Variants in PHACTR1 observed in about 807,000 individuals in gnomAD.
PHACTR1 encodes RPEL repeat containing 1.
Under a neutral mutation model 69.2 loss-of-function variants are expected in PHACTR1, and 16 were observed. The observed-to-expected ratio is 0.23, with a 90% confidence interval of 0.16 to 0.35. The LOEUF is 0.35. Ranked by LOEUF, PHACTR1 falls within the 10% of genes least tolerant of loss-of-function variation. The pLI, the probability that PHACTR1 is intolerant of heterozygous loss-of-function variation, is 1.00. For missense variants in PHACTR1, 510 were observed against 734.7 expected, an observed-to-expected ratio of 0.69 and a Z score of 3.54; for synonymous variants, 312 against 284.5, an observed-to-expected ratio of 1.10 and a Z score of -0.97.
At chr6:13,134,320 A>G (rs1821164832) in intron 5 of PHACTR1, among the ~76,000 whole-genome samples, 2 of 152,258 alleles carry the variant, frequency 1.3e-5, no homozygotes, top group African/African-American at 2.4e-5. Context: ...AGAAGGGTCC[A>G]TGATGACGAT....
At chr6:12,884,684 A>G (rs1377789076) in intron 4 of PHACTR1, among the ~76,000 whole-genome samples, 1 of 152,194 alleles carries the variant, frequency 6.6e-6, no homozygotes, top group Non-Finnish European at 1.5e-5. Flanking sequence ...TACAGGCGTA[A>G]GCCACCGCGC....
intron 3 of PHACTR1, among the ~76,000 whole-genome samples, chr6:12,748,277 GAGA>G (rs1382403353): frequency 5.3e-5 from 8 of 152,306 alleles, no homozygotes; most frequent in South Asian, 2.1e-4. Context: ...CCAATGAAGA[GAGA>G]AGAAGATTCT....
chr6:12,729,597 G>C (rs74647410), intron 3 of PHACTR1, among the ~76,000 whole-genome samples: 1 of 152,152 alleles, frequency 6.6e-6, no homozygotes. Context: ...GTCATGGCAC[G>C]TGAGGCTGTG....
chr6:12,822,198 A>G lies in PHACTR1; in HGVS notation c.250+72408A>G, dbSNP rs190180592. 4.1e-3 allele frequency among the ~76,000 whole-genome samples: 619 copies of G among 152,338 alleles called. 4 individuals carry two copies. The highest frequency in any genetic ancestry group is 0.014 in the African/African-American group (591 of 41,578). On this transcript the variant is annotated intron_variant, in intron 4 of 14. Coordinates refer to ENST00000332995, the MANE Select transcript of PHACTR1 (RefSeq NM_030948.6). The stretch of plus-strand genomic sequence containing the variant: ...GAGTCACTGGACTCCTGTTGACTAA[A>G]GGTCAAAGGCATGTGTTTTGAGAGG...
intron 4 of PHACTR1, among the ~76,000 whole-genome samples, chr6:12,982,566 C>G (rs922915002): frequency 6.6e-6 from 1 of 152,182 alleles, no homozygotes; most frequent in Non-Finnish European, 1.5e-5. Context: ...GCAATCCCAG[C>G]TACTCGGGAG....
intron 5 of PHACTR1, among the ~76,000 whole-genome samples, chr6:13,087,854 C>G (rs1561811773): frequency 6.6e-6 from 1 of 151,808 alleles, no homozygotes; most frequent in Admixed American, 6.6e-5. Flanking sequence ...ACCGTGCTGC[C>G]CGGGCTAATC....
In PHACTR1 at chr6:13,283,595, C is replaced by G. The variant is rs544520462; in HGVS notation, c.1650+33C>G. 2 of 1,613,440 alleles carry G rather than the reference C, an allele frequency of 1.2e-6. No individual in the cohort carries two copies. The highest frequency in any genetic ancestry group is 2.7e-5 in the African/African-American group (2 of 75,032). On this transcript the variant is annotated intron_variant, in intron 13 of 14. Transcript: ENST00000332995. The surrounding 1 kb of genome is among the most constrained non-coding windows in gnomAD (Gnocchi z 4.7). Reference sequence around the variant, plus strand: ...GAGGGGAGTGCTGGAGAGTGGGAGGCAGGACCGTCTGCTGGGTCTCGCTGG... The same window carrying G: ...GAGGGGAGTGCTGGAGAGTGGGAGGGAGGACCGTCTGCTGGGTCTCGCTGG...
chr6:13,221,041 T>A (rs1354224526), intron 8 of PHACTR1, among the ~76,000 whole-genome samples: 1 of 152,144 alleles, frequency 6.6e-6, no homozygotes, highest in African/African-American at 2.4e-5. Flanking sequence ...AGGGACTGAT[T>A]TCCATTGGAA....
intron 6 of PHACTR1, among the ~76,000 whole-genome samples, chr6:13,163,459 G>A (rs183067472): frequency 3.5e-4 from 53 of 152,278 alleles, no homozygotes; most frequent in African/African-American, 1.3e-3. Flanking sequence ...CAGAGGCTGC[G>A]ATTCCCCAAG....
chr6:12,761,533 GTCTTGACCTCACTTCA>G, intron 4 of PHACTR1, among the ~76,000 whole-genome samples: 1 of 152,136 alleles, frequency 6.6e-6, no homozygotes. Flanking sequence ...TCTTAGTGTG[GTCTTGACCTCACTTCA>G]TCTTTTTACT....
At chr6:12,747,384 T>C (rs1041667354) in intron 3 of PHACTR1, among the ~76,000 whole-genome samples, 2 of 152,174 alleles carry the variant, frequency 1.3e-5, no homozygotes, top group East Asian at 3.9e-4. Context: ...TAGCTGTTCG[T>C]CAGCTGTGGT....
At chr6:13,106,232 A>G (rs1463378610) in intron 5 of PHACTR1, among the ~76,000 whole-genome samples, 1 of 152,190 alleles carries the variant, frequency 6.6e-6, no homozygotes, top group Non-Finnish European at 1.5e-5. Flanking sequence ...TATTGCCTGC[A>G]AATAAATATT....
chr6:12,786,139 T>C (rs1006677306), intron 4 of PHACTR1, among the ~76,000 whole-genome samples: 1 of 152,262 alleles, frequency 6.6e-6, no homozygotes, highest in Non-Finnish European at 1.5e-5. Context: ...TTTGTAGTAA[T>C]GGCCTAGCCA....
chr6:12,800,639 A>G (rs533187896), intron 4 of PHACTR1, among the ~76,000 whole-genome samples: 27 of 152,156 alleles, frequency 1.8e-4, no homozygotes, highest in Non-Finnish European at 3.5e-4. Flanking sequence ...TAATCCCAGT[A>G]CTATGGGAGG....
chr6:12,996,062 A>T (rs1266642176), intron 4 of PHACTR1, among the ~76,000 whole-genome samples: 2 of 152,126 alleles, frequency 1.3e-5, no homozygotes, highest in East Asian at 3.8e-4. Flanking sequence ...AATACATGAG[A>T]TTTGCAAATA....
chr6:12,867,520 C>G (rs1280152314), intron 4 of PHACTR1, among the ~76,000 whole-genome samples: 1 of 152,138 alleles, frequency 6.6e-6, no homozygotes, highest in African/African-American at 2.4e-5. Context: ...GAATGAGGTA[C>G]AGAGATGGCA....
chr6:12,881,014 T>A (rs1199696361), intron 4 of PHACTR1, among the ~76,000 whole-genome samples: 1 of 152,190 alleles, frequency 6.6e-6, no homozygotes, highest in African/African-American at 2.4e-5. Context: ...TCTTCATCTG[T>A]AAAATGGAGC....
At chr6:12,990,421 G>A (rs964548631) in intron 4 of PHACTR1, among the ~76,000 whole-genome samples, 1 of 152,100 alleles carries the variant, frequency 6.6e-6, no homozygotes, top group Non-Finnish European at 1.5e-5. Context: ...GGGACCAGCC[G>A]ACCACTTCAA....
At chr6:13,115,519 CAG>C (rs1393318248) in intron 5 of PHACTR1, among the ~76,000 whole-genome samples, 1 of 152,056 alleles carries the variant, frequency 6.6e-6, no homozygotes, top group Non-Finnish European at 1.5e-5. Context: ...GGCCTGAAAA[CAG>C]AGCCTGAGAT....
Sources: allele counts gnomAD v4.1 joint callset (sites outside exome capture counted in the v4.1 genomes callset), GRCh38; gene constraint gnomAD v4.1.1; non-coding constraint Gnocchi (gnomAD v3.1); transcripts MANE v1.5; gene names NCBI Gene and HGNC (gene_info 2026-07-23, HGNC 2026-07-21).